The following SIPA1L3 variants were observed in gnomAD, a reference collection of about 807,000 sequenced individuals.
SIPA1L3 encodes the protein signal induced proliferation associated 1 like 3.
A neutral mutation model predicts 150.1 loss-of-function variants in SIPA1L3; 59 were observed. The ratio of observed to expected loss-of-function variants is 0.39; its 90% CI spans 0.32 to 0.49. The LOEUF (loss-of-function observed/expected upper bound fraction) is 0.49, where lower values mean the gene tolerates loss of function less well. SIPA1L3 is among the 20% of genes least tolerant of loss of function. The pLI, the probability that SIPA1L3 is intolerant of heterozygous loss-of-function variation, is 0.86. For missense variants in SIPA1L3, 2,211 were observed against 2,489.5 expected (o/e 0.89, Z 2.38); for synonymous variants, 1,070 against 1,077.6 (o/e 0.99, Z 0.14).
At chr19:38,175,585 C>T (rs537883169) in intron 15 of SIPA1L3, among the ~76,000 whole-genome samples, 11 of 152,152 alleles carry the variant, frequency 7.2e-5, no homozygotes, top group South Asian at 2.1e-4. Context: ...GCCCCTCCCC[C>T]GCTACCACCA....
intron 1 of SIPA1L3, among the ~76,000 whole-genome samples, chr19:37,945,689 G>A (rs547290798): frequency 6.6e-6 from 1 of 152,168 alleles, no homozygotes; most frequent in African/African-American, 2.4e-5. Context: ...TCTTTTTAAT[G>A]GCTACATAGC....
At chr19:38,100,287 G>A (rs1399860399) in intron 5 of SIPA1L3, 137 bp downstream of exon 5, 1 of 674,736 alleles carries the variant, frequency 1.5e-6, no homozygotes, top group Non-Finnish European at 2.3e-6. Context: ...TTCAGCAAAA[G>A]GAGGGATTCA....
At chr19:38,086,845 A>T (rs1005901755) in intron 3 of SIPA1L3, among the ~76,000 whole-genome samples, 14 of 152,232 alleles carry the variant, frequency 9.2e-5, no homozygotes, top group Non-Finnish European at 1.5e-5. Context: ...TTTATAGCCA[A>T]GAAGCAAGGT....
chr19:38,119,343 G>A lies in SIPA1L3; in HGVS notation c.2329G>A (p.Gly777Ser). The A allele has an allele frequency of 2.5e-6, 4 of 1,613,858 alleles. No individual in the cohort carries two copies. Among genetic ancestry groups the A allele is most frequent in the African/African-American group, 2.7e-5 (2 of 74,928 alleles). The stretch of plus-strand genomic sequence containing the variant: ...CCGATCCAAAGACGCTCCTCCTTTC[G>A]GCCCCCCCATCCCCAGTGGAACCAC... ...VTRSKDAPPF[G>S]PPIPSGTTFR... The change falls in exon 9 of 22, where the codon GGC (glycine) becomes AGC (serine). Residue 777 changes from glycine (G) to serine (S), a missense_variant. By Grantham distance (56) the Gly-to-Ser change is moderately conservative. Transcript: ENST00000222345.
At chr19:38,141,124 C>G in intron 10 of SIPA1L3, 60 bp from the exon 11 acceptor site, 1 of 1,429,794 alleles carries the variant, frequency 7.0e-7, no homozygotes, top group Non-Finnish European at 9.4e-7. Context: ...CCAGCCTAGA[C>G]AGCAGGCCCA....
At chr19:38,038,191 C>T (rs750100913) in intron 2 of SIPA1L3, among the ~76,000 whole-genome samples, 1 of 151,988 alleles carries the variant, frequency 6.6e-6, no homozygotes, top group Non-Finnish European at 1.5e-5. Flanking sequence ...GTTCTGGGTA[C>T]GGTTTGGAGG....
At chr19:38,154,067 A>G (rs894638019) in intron 13 of SIPA1L3, among the ~76,000 whole-genome samples, 15 of 152,124 alleles carry the variant, frequency 9.9e-5, no homozygotes, top group African/African-American at 3.6e-4. Flanking sequence ...TAGTACCCCC[A>G]AAGGAACCCT....
At chr19:38,133,361 TA>T (rs1401746700) in intron 10 of SIPA1L3, among the ~76,000 whole-genome samples, 4 of 152,246 alleles carry the variant, frequency 2.6e-5, no homozygotes, top group Non-Finnish European at 5.9e-5. Flanking sequence ...CTTCTTCATA[TA>T]TTGGCTGGAA....
intron 21 of SIPA1L3, among the ~76,000 whole-genome samples, chr19:38,205,457 C>CA (rs763908720): frequency 0.28 from 20,929 of 75,240 alleles, 2,257 homozygotes; most frequent in African/African-American, 0.42. Flanking sequence ...AACCCAGTCT[C>CA]AAAAAAAAAA....
At chr19:38,054,743 C>T (rs943243800) in intron 2 of SIPA1L3, among the ~76,000 whole-genome samples, 1 of 151,340 alleles carries the variant, frequency 6.6e-6, no homozygotes, top group African/African-American at 2.4e-5. Context: ...TTTTGTTTGG[C>T]ACTAACTGGA....
chr19:38,170,320 A>T (rs1014815638), intron 15 of SIPA1L3, among the ~76,000 whole-genome samples: 2 of 152,220 alleles, frequency 1.3e-5, no homozygotes, highest in Non-Finnish European at 2.9e-5. Flanking sequence ...GCTTGGGGCC[A>T]GACCTTGGTT....
rs554770775 is a variant in SIPA1L3, at chr19:38,046,002, G to A, written c.-311+16846G>A. On this transcript the variant is annotated intron_variant, in intron 2 of 21. Transcript: ENST00000222345. This position sits in a 1 kb window ranked among gnomAD's most constrained non-coding sequence, Gnocchi z 5.6. ...TCTGTGTGCACTTTCAAGCCTTGAT[G>A]TCCTGACACTCTTCCTCCCCCAGGA... 1.3e-5 allele frequency among the ~76,000 whole-genome samples: 2 copies of A among 152,244 alleles called. No homozygotes were observed. Among genetic ancestry groups the A allele is most frequent in the Non-Finnish European group, 2.9e-5 (2 of 68,016 alleles).
intron 2 of SIPA1L3, among the ~76,000 whole-genome samples, chr19:38,063,017 T>C (rs576244546): frequency 3.9e-5 from 6 of 152,160 alleles, no homozygotes; most frequent in Non-Finnish European, 8.8e-5. Flanking sequence ...CCCCTTCTCT[T>C]TGTGGCCCTC....
At chr19:37,940,187 A>G (rs1329273448) in intron 1 of SIPA1L3, among the ~76,000 whole-genome samples, 2 of 151,950 alleles carry the variant, frequency 1.3e-5, no homozygotes, top group African/African-American at 4.8e-5. Context: ...AGGCTGAGGC[A>G]GGAGGATTGC....
chr19:38,083,368 T>C (rs773297102), intron 3 of SIPA1L3, among the ~76,000 whole-genome samples: 2 of 152,182 alleles, frequency 1.3e-5, no homozygotes, highest in African/African-American at 2.4e-5. Flanking sequence ...TGGGGACAGC[T>C]CAGTGCCAGG....
At chr19:37,990,610 C>T (rs937806893) in intron 1 of SIPA1L3, among the ~76,000 whole-genome samples, 38 of 152,198 alleles carry the variant, frequency 2.5e-4, no homozygotes, top group Admixed American at 3.9e-4. Context: ...GCGAGAACCC[C>T]GCCCCAGTCT....
In SIPA1L3 at chr19:38,082,889, G is replaced by A. The variant is rs753432762; in HGVS notation, c.1324G>A (p.Val442Met). The part of the protein sequence containing the change: ...NEIGGECERN[V>M]SFSRASVGSP... ...GATCGGGGGCGAGTGTGAGCGCAACGTGAGCTTCTCCCGGGCTTCCGTGGG... is the reference window on the plus strand; with the variant it reads ...GATCGGGGGCGAGTGTGAGCGCAACATGAGCTTCTCCCGGGCTTCCGTGGG... Residue 442 changes from valine to methionine, a missense_variant, in exon 3 of 22, where the codon GTG becomes ATG. By Grantham distance (21) the Val-to-Met change is conservative (BLOSUM62 1). This residue lies in a region of SIPA1L3 where 587 missense variants were observed against 534.5 expected (regional missense o/e 1.10). Coordinates refer to ENST00000222345, the MANE Select transcript of SIPA1L3 (RefSeq NM_015073.3). 84 of 1,613,322 alleles carry A rather than the reference G, an allele frequency of 5.2e-5. No individual in the cohort carries two copies. The highest frequency in any genetic ancestry group is 6.7e-5 in the Non-Finnish European group (79 of 1,179,916).
At chr19:38,142,054 C>T (rs950677818) in intron 11 of SIPA1L3, among the ~76,000 whole-genome samples, 1 of 152,122 alleles carries the variant, frequency 6.6e-6, no homozygotes, top group Non-Finnish European at 1.5e-5. Context: ...TGACTTCTTC[C>T]TGGAGGAGGC....
intron 14 of SIPA1L3, among the ~76,000 whole-genome samples, 198 bp downstream of exon 14, chr19:38,162,569 C>T (rs970992250): frequency 6.6e-6 from 1 of 152,238 alleles, no homozygotes; most frequent in Non-Finnish European, 1.5e-5. Flanking sequence ...TAGGGCAAAT[C>T]CCTTTACCTC....
Sources: allele counts gnomAD v4.1 joint callset (sites outside exome capture counted in the v4.1 genomes callset), GRCh38; gene constraint gnomAD v4.1.1; regional missense constraint gnomAD v4.1.1; non-coding constraint Gnocchi (gnomAD v3.1); transcripts MANE v1.5; gene names NCBI Gene and HGNC (gene_info 2026-07-23, HGNC 2026-07-21).